ABCB5: variants seen among roughly 807,000 people sequenced by gnomAD.
The protein encoded by ABCB5 is ATP binding cassette subfamily B member 5.
ABCB5 carries 155 observed loss-of-function variants against 144.2 expected under a neutral mutation model. That is an observed-to-expected ratio of 1.08 (90% CI 0.94 to 1.23). ABCB5 has a LOEUF of 1.23. Among genes scored for constraint, ABCB5 ranks in the 50% most tolerant of loss-of-function variants. The pLI, the probability that ABCB5 is intolerant of heterozygous loss-of-function variation, is 0.00. For missense variants in ABCB5, 1,830 were observed against 1,520.8 expected (o/e 1.20, Z -3.38); for synonymous variants, 610 against 528.6 (o/e 1.15, Z -2.11).
intron 19 of ABCB5, among the ~76,000 whole-genome samples, chr7:20,702,828 A>ATTTT (rs5882755): frequency 1.8e-5 from 2 of 114,102 alleles, no homozygotes; most frequent in Middle Eastern, 4.5e-3. Context: ...CGCCTGGCTA[A>ATTTT]TTTTTTTTTT....
chr7:20,627,082 C>G (rs1186717808), intron 3 of ABCB5, among the ~76,000 whole-genome samples: 1 of 152,076 alleles, frequency 6.6e-6, no homozygotes, highest in Non-Finnish European at 1.5e-5. Context: ...GCCTATGTAT[C>G]AGATAATGTG....
chr7:20,660,822 A>G (rs1458210485), intron 14 of ABCB5, among the ~76,000 whole-genome samples: 1 of 152,172 alleles, frequency 6.6e-6, no homozygotes, highest in Non-Finnish European at 1.5e-5. Flanking sequence ...GATAGAATCT[A>G]TACCCACTTC....
At chr7:20,730,700 T>C (rs780412606) in intron 23 of ABCB5, among the ~76,000 whole-genome samples, 17 of 152,164 alleles carry the variant, frequency 1.1e-4, no homozygotes, top group Non-Finnish European at 2.4e-4. Flanking sequence ...TGAAATCACA[T>C]AAATAATTCA....
chr7:20,716,829 G>A (rs1309918670), intron 20 of ABCB5, among the ~76,000 whole-genome samples: 1 of 152,108 alleles, frequency 6.6e-6, no homozygotes, highest in Non-Finnish European at 1.5e-5. Context: ...GTGGGTGAGG[G>A]CTGAACCCTA....
At position 20,668,590 on chromosome 7, in the gene ABCB5, TGGG is replaced by T. The variant is rs560542131; in HGVS notation, c.1707+9923_1707+9925del. Among the ~76,000 whole-genome samples, 979 of 109,248 alleles carry T rather than the reference TGGG, an allele frequency of 9.0e-3. 3 individuals carry two copies. The highest frequency in any genetic ancestry group is 0.033 in the African/African-American group (862 of 26,280). The allele number at this position is 109,248 out of a possible 152,430, so 71.7% of individuals were successfully genotyped here. On this transcript the variant is annotated intron_variant, in intron 14 of 27. Transcript: ENST00000404938. ...GCAGCCACCCCGTCCGGGAGGGAGGTGGGGGGGGGGGTCAGCCCCCCGCCCGGC... is the reference window on the plus strand; with the variant it reads ...GCAGCCACCCCGTCCGGGAGGGAGGTGGGGGGGGTCAGCCCCCCGCCCGGC...
intron 5 of ABCB5, among the ~76,000 whole-genome samples, chr7:20,638,781 T>A (rs575065441): frequency 7.1e-4 from 108 of 152,314 alleles, no homozygotes; most frequent in Admixed American, 1.8e-3. Context: ...GTTGGATTGT[T>A]TCTACTTTTT....
Position 20,755,536 on chromosome 7 carries a change from G to C in ABCB5, c.3686G>C (p.Gly1229Ala). 6.2e-7 allele frequency: 1 copy of C among 1,614,164 alleles called. No homozygotes were observed. Among genetic ancestry groups the C allele is most frequent in the African/African-American group, 1.3e-5 (1 of 75,022 alleles). Reference sequence around the variant, plus strand: ...GATTTGATAGTGGTTCTGCACAATGGAAAGATAAAGGAACAAGGAACTCAT... The same window carrying C: ...GATTTGATAGTGGTTCTGCACAATGCAAAGATAAAGGAACAAGGAACTCAT... ...NADLIVVLHN[G>A]KIKEQGTHQE... is the part of the protein sequence containing the mutation. Residue 1229 changes from glycine (G) to alanine (A), a missense_variant, in exon 28 of 28, where the codon GGA (glycine) becomes GCA (alanine). By Grantham distance (60) the Gly-to-Ala change is moderately conservative. Coordinates refer to ENST00000404938, the MANE Select transcript of ABCB5 (RefSeq NM_001163941.2).
chr7:20,727,185 G>C (rs368735931), intron 22 of ABCB5, 45 bp downstream of exon 22: 2 of 1,421,570 alleles, frequency 1.4e-6, no homozygotes, highest in Non-Finnish European at 2.0e-6. Flanking sequence ...ATTTTGTTCT[G>C]TAAAGGCAGT....
At chr7:20,735,685 A>G (rs1782359718) in intron 23 of ABCB5, among the ~76,000 whole-genome samples, 1 of 152,220 alleles carries the variant, frequency 6.6e-6, no homozygotes, top group African/African-American at 2.4e-5. Flanking sequence ...AGAAGATTCT[A>G]AAATGGAAAG....
At chr7:20,685,952 C>A (rs1463833106) in intron 16 of ABCB5, 116 bp downstream of exon 16, 2 of 1,089,548 alleles carry the variant, frequency 1.8e-6, no homozygotes, top group Non-Finnish European at 2.5e-6. Flanking sequence ...ACTAAGCTCA[C>A]AAAACATGTC....
chr7:20,668,671 G>A (rs1785323421), intron 14 of ABCB5, among the ~76,000 whole-genome samples: 2 of 146,832 alleles, frequency 1.4e-5, no homozygotes, highest in South Asian at 2.2e-4. Context: ...GCCCCTACTG[G>A]GAAGTGAGGA....
chr7:20,625,469 G>A (rs140431978), intron 2 of ABCB5, among the ~76,000 whole-genome samples: 1 of 152,108 alleles, frequency 6.6e-6, no homozygotes, highest in African/African-American at 2.4e-5. Flanking sequence ...TGAAATGTGA[G>A]CATACAAAGC....
chr7:20,635,758 T>C lies in ABCB5; in HGVS notation c.314+3645T>C, dbSNP rs974490571. On this transcript the variant is annotated intron_variant, in intron 5 of 27. Transcript: ENST00000404938. ...ATTTTTGCACATTGATTTTATAACC[T>C]GAGTCTTGACTGAATTTGTTAGCAA... Among the ~76,000 whole-genome samples, 7 of 152,290 alleles carry C rather than the reference T, an allele frequency of 4.6e-5. No homozygotes were observed. In the South Asian group the frequency reaches 1.5e-3, roughly 32 times the overall value.
chr7:20,710,348 C>A (rs1272064622), intron 20 of ABCB5, among the ~76,000 whole-genome samples: 2 of 100,698 alleles, frequency 2.0e-5, no homozygotes, highest in African/African-American at 8.5e-5. Flanking sequence ...GCCTGGGCAA[C>A]AAGAGTGAAA....
At chr7:20,721,112 G>A (rs900859096) in intron 20 of ABCB5, among the ~76,000 whole-genome samples, 11 of 152,184 alleles carry the variant, frequency 7.2e-5, no homozygotes, top group African/African-American at 2.4e-4. Flanking sequence ...AGCATTAAAC[G>A]ATAGTTATGT....
At chr7:20,686,889 C>G (rs2128040402) in intron 16 of ABCB5, among the ~76,000 whole-genome samples, 1 of 152,284 alleles carries the variant, frequency 6.6e-6, no homozygotes, top group African/African-American at 2.4e-5. Context: ...CCTGGATTAT[C>G]TGCCCCAAAA....
At chr7:20,628,000 T>G (rs1306231382) in intron 3 of ABCB5, among the ~76,000 whole-genome samples, 1 of 152,196 alleles carries the variant, frequency 6.6e-6, no homozygotes, top group Non-Finnish European at 1.5e-5. Context: ...CTGATTTAGC[T>G]GCTTTATTTA....
intron 20 of ABCB5, among the ~76,000 whole-genome samples, chr7:20,721,910 G>T (rs1377443409): frequency 1.3e-5 from 2 of 152,044 alleles, no homozygotes; most frequent in African/African-American, 4.8e-5. Flanking sequence ...CCTTCTAAAA[G>T]AATTTATATG....
chr7:20,667,214 T>C lies in ABCB5; in HGVS notation c.1707+8538T>C, dbSNP rs76181924. On this transcript the variant is annotated intron_variant, in intron 14 of 27. Coordinates refer to ENST00000404938, the MANE Select transcript of ABCB5 (RefSeq NM_001163941.2). The stretch of plus-strand genomic sequence containing the variant: ...TAATAAGTTAAATTGTAACATAATA[T>C]CTACCTTAATCAAATATTTATAGTT... 6,596 of 925,184 alleles carry C rather than the reference T, an allele frequency of 7.1e-3. 224 individuals are homozygous for C. The African/African-American group carries it at 0.08, about 11-fold the overall frequency. 57.3% of individuals were successfully genotyped at this position (925,184 alleles called of 1,614,324 possible).
Sources: allele counts gnomAD v4.1 joint callset (sites outside exome capture counted in the v4.1 genomes callset), GRCh38; gene constraint gnomAD v4.1.1; transcripts MANE v1.5; gene names NCBI Gene and HGNC (gene_info 2026-07-23, HGNC 2026-07-21).